Variants in QTMAN observed in about 807,000 individuals in gnomAD.
The protein encoded by QTMAN is tRNA-queuosine alpha-mannosyltransferase.
the QTMAN span, among the ~76,000 whole-genome samples, chr2:144,235,917 A>C: frequency 2.0e-5 from 3 of 151,870 alleles, no homozygotes; most frequent in Non-Finnish European, 2.9e-5. Flanking sequence ...TTCTTAATTA[A>C]TAAGAGATTT....
the QTMAN span, among the ~76,000 whole-genome samples, chr2:144,122,824 G>C: frequency 2.0e-5 from 3 of 152,052 alleles, no homozygotes; most frequent in Non-Finnish European, 4.4e-5. Flanking sequence ...TTTTGTCTAG[G>C]TTGCTACCTG....
the QTMAN span, chr2:144,007,055 A>G: frequency 3.3e-6 from 2 of 608,158 alleles, no homozygotes; most frequent in Non-Finnish European, 2.8e-6. Flanking sequence ...GATCATTAGT[A>G]ATACCACCAC....
the QTMAN span, among the ~76,000 whole-genome samples, chr2:144,116,366 T>G: frequency 6.6e-6 from 1 of 151,780 alleles, no homozygotes; most frequent in Non-Finnish European, 1.5e-5. Flanking sequence ...GTGTGTGTGG[T>G]AGAAAACACA....
At chr2:144,267,721 A>G in the QTMAN span, among the ~76,000 whole-genome samples, 1 of 152,260 alleles carries the variant, frequency 6.6e-6, no homozygotes, top group African/African-American at 2.4e-5. Flanking sequence ...CCTGAAAGTT[A>G]TATTTAAGTA....
At chr2:144,187,897 A>T in the QTMAN span, among the ~76,000 whole-genome samples, 1 of 152,210 alleles carries the variant, frequency 6.6e-6, no homozygotes, top group Non-Finnish European at 1.5e-5. Context: ...TGGGCCCTAA[A>T]TCCAATGATG....
chr2:144,152,656 A>G, the QTMAN span, among the ~76,000 whole-genome samples: 3 of 152,182 alleles, frequency 2.0e-5, no homozygotes, highest in Non-Finnish European at 1.5e-5. Context: ...GTATTCTTAC[A>G]AGGTCCAAGG....
At chr2:144,097,604 C>T in the QTMAN span, among the ~76,000 whole-genome samples, 3 of 152,182 alleles carry the variant, frequency 2.0e-5, no homozygotes, top group Non-Finnish European at 4.4e-5. Flanking sequence ...TGATGTCATA[C>T]ACATGTGCAA....
chr2:144,132,466 C>T, the QTMAN span, among the ~76,000 whole-genome samples: 1 of 152,070 alleles, frequency 6.6e-6, no homozygotes, highest in Non-Finnish European at 1.5e-5. Context: ...ACTAGAATTA[C>T]TTCTGTACTG....
chr2:144,010,637 C>G, the QTMAN span, among the ~76,000 whole-genome samples: 2 of 151,920 alleles, frequency 1.3e-5, no homozygotes, highest in Non-Finnish European at 2.9e-5. Context: ...TGTGCAAATG[C>G]TGATGTCATC....
At chr2:144,332,321 C>T in the QTMAN span, 4 of 150,058 alleles carry the variant, frequency 2.7e-5, no homozygotes, top group Non-Finnish European at 6.0e-5. Context: ...GCTGCTGCCC[C>T]TCTGGGATCT....
the QTMAN span, among the ~76,000 whole-genome samples, chr2:143,980,361 A>T: frequency 1.3e-5 from 2 of 152,200 alleles, no homozygotes; most frequent in African/African-American, 4.8e-5. Flanking sequence ...AAAGGACATG[A>T]TCTCTTGGAA....
At chr2:144,117,219 A>G in the QTMAN span, among the ~76,000 whole-genome samples, 1 of 152,328 alleles carries the variant, frequency 6.6e-6, no homozygotes, top group African/African-American at 2.4e-5. Context: ...TCACGCTGAC[A>G]GTAGATTAGC....
chr2:143,973,038 C>CT, the QTMAN span, among the ~76,000 whole-genome samples: 2 of 152,130 alleles, frequency 1.3e-5, no homozygotes, highest in Admixed American at 6.5e-5. Flanking sequence ...ATTCTAAGTG[C>CT]TGGATGTTGC....
At chr2:144,119,812 A>C in the QTMAN span, among the ~76,000 whole-genome samples, 1 of 152,108 alleles carries the variant, frequency 6.6e-6, no homozygotes, top group South Asian at 2.1e-4. Context: ...TCTTCACTAG[A>C]TCCTGTGCCT....
chr2:144,046,788 A>C, the QTMAN span, among the ~76,000 whole-genome samples: 6 of 152,322 alleles, frequency 3.9e-5, no homozygotes, highest in Admixed American at 3.9e-4. Context: ...GATCTCACAT[A>C]ATTTCCAGCA....
chr2:144,153,980 G>A, the QTMAN span, among the ~76,000 whole-genome samples: 1 of 152,126 alleles, frequency 6.6e-6, no homozygotes, highest in Non-Finnish European at 1.5e-5. Flanking sequence ...GTAAAGATGA[G>A]TTTCAAATTC....
At chr2:144,278,814 G>C in the QTMAN span, among the ~76,000 whole-genome samples, 1 of 152,064 alleles carries the variant, frequency 6.6e-6, no homozygotes, top group African/African-American at 2.4e-5. Context: ...GCCCTGTAGA[G>C]TCAAGTGTGA....
chr2:144,286,922 T>C, the QTMAN span, among the ~76,000 whole-genome samples: 1 of 152,220 alleles, frequency 6.6e-6, no homozygotes. Context: ...CTAATCAACT[T>C]AGCTGAAAGA....
At chr2:144,058,014 T>TTGGTTAGTCCAGAGAAAGCA in the QTMAN span, among the ~76,000 whole-genome samples, 1 of 151,574 alleles carries the variant, frequency 6.6e-6, no homozygotes, top group Non-Finnish European at 1.5e-5. Context: ...ACAACATAGA[T>TTGGTTAGTCCAGAGAAAGCA]TGGTTAGTCC....
Sources: gnomAD v4.1 joint callset for allele counts (sites outside exome capture counted in the v4.1 genomes callset) on GRCh38, gnomAD v4.1.1 for gene constraint, MANE v1.5 for transcripts, NCBI Gene and HGNC (gene_info 2026-07-23, HGNC 2026-07-21) for gene names.